NELL1: variants seen among roughly 807,000 people sequenced by gnomAD.
The protein encoded by NELL1 is protein kinase C-binding protein NELL1.
Under a neutral mutation model 107.4 loss-of-function variants are expected in NELL1, and 76 were observed. The observed-to-expected ratio is 0.71, with a 90% CI of 0.59 to 0.86. The LOEUF (loss-of-function observed/expected upper bound fraction) is 0.86, where lower values mean the gene tolerates loss of function less well. Ranked by LOEUF, NELL1 falls within the 40% of genes least tolerant of loss-of-function variation. NELL1 has a pLI of 0.00. For missense variants in NELL1, 1,024 were observed against 1,005.5 expected, an observed-to-expected ratio of 1.02 and a Z score of -0.25; for synonymous variants, 353 against 341.2, an observed-to-expected ratio of 1.03 and a Z score of -0.38.
intron 15 of NELL1, among the ~76,000 whole-genome samples, chr11:21,474,037 G>T (rs948816892): frequency 6.6e-6 from 1 of 151,990 alleles, no homozygotes; most frequent in African/African-American, 2.4e-5. Flanking sequence ...GCACAAAACT[G>T]TCTTCTGGTT....
At chr11:21,096,844 G>A (rs1854655065) in intron 12 of NELL1, among the ~76,000 whole-genome samples, 2 of 152,046 alleles carry the variant, frequency 1.3e-5, no homozygotes, top group Non-Finnish European at 1.5e-5. Context: ...CTAGGTAGCT[G>A]GGACTACAGG....
chr11:21,158,564 A>G (rs1260315575), intron 13 of NELL1, among the ~76,000 whole-genome samples: 4 of 152,208 alleles, frequency 2.6e-5, no homozygotes, highest in Non-Finnish European at 5.9e-5. Context: ...TACATTCTAT[A>G]TCTTTACCCT....
chr11:21,180,367 A>G lies in NELL1; in HGVS notation c.1427-48965A>G, dbSNP rs561874165. ...TGACTGAAATATGTTCTGATGTGGA[A>G]TTACTAATTTGTGCCTGATTCTGTT... On this transcript the variant is annotated intron_variant, in intron 13 of 19. Coordinates refer to ENST00000357134, the MANE Select transcript of NELL1 (RefSeq NM_006157.5). Among the ~76,000 whole-genome samples the G allele has an allele frequency of 1.5e-4, 23 of 151,802 alleles. No homozygotes were observed. The South Asian group carries it at 4.1e-3, about 27-fold the overall frequency.
chr11:21,574,392 A>G (rs571820982), intron 19 of NELL1, among the ~76,000 whole-genome samples: 1 of 151,898 alleles, frequency 6.6e-6, no homozygotes, highest in East Asian at 2.0e-4. Context: ...GGACACAGGG[A>G]GACCTCTGTT....
chr11:20,888,894 C>T lies in NELL1; in HGVS notation c.603+3354C>T, dbSNP rs190547676. On this transcript the variant is annotated intron_variant, in intron 5 of 19. Coordinates refer to ENST00000357134, the MANE Select transcript of NELL1 (RefSeq NM_006157.5). ...GTCTCTCATCTCCAATGGCCTAGCT[C>T]AGCTTATTTACATGTCATCCCTGGG... 2.1e-4 allele frequency among the ~76,000 whole-genome samples: 32 copies of T among 152,260 alleles called. 1 individual carries two copies. Among genetic ancestry groups the T allele is most frequent in the African/African-American group, 7.5e-4 (31 of 41,548 alleles).
chr11:21,563,316 T>C (rs1564962759), intron 17 of NELL1, among the ~76,000 whole-genome samples: 1 of 152,056 alleles, frequency 6.6e-6, no homozygotes, highest in East Asian at 1.9e-4. Context: ...TTCTAGGAAA[T>C]GTAGTATTTT....
intron 3 of NELL1, among the ~76,000 whole-genome samples, chr11:20,830,000 G>T (rs189833318): frequency 6.6e-6 from 1 of 152,076 alleles, no homozygotes; most frequent in Non-Finnish European, 1.5e-5. Flanking sequence ...TTGGCTGGGC[G>T]CAGTGGCTCA....
intron 5 of NELL1, among the ~76,000 whole-genome samples, chr11:20,895,696 C>T (rs1239842781): frequency 3.3e-5 from 5 of 151,592 alleles, no homozygotes; most frequent in African/African-American, 7.3e-5. Context: ...TTAGTAGAGA[C>T]GGGGTTTCAC....
chr11:21,247,456 T>G (rs1565129353), intron 14 of NELL1, among the ~76,000 whole-genome samples: 1 of 152,232 alleles, frequency 6.6e-6, no homozygotes, highest in South Asian at 2.1e-4. Context: ...GTTTTTTGTT[T>G]AAAATGAAGA....
intron 12 of NELL1, among the ~76,000 whole-genome samples, chr11:20,995,956 G>A (rs71488768): frequency 0.064 from 9,722 of 152,284 alleles, 335 homozygotes; most frequent in Middle Eastern, 0.15. Flanking sequence ...ACGAGATTTG[G>A]ATTAAAGGAC....
At chr11:20,812,010 G>T (rs1857511143) in intron 3 of NELL1, among the ~76,000 whole-genome samples, 1 of 152,088 alleles carries the variant, frequency 6.6e-6, no homozygotes, top group Non-Finnish European at 1.5e-5. Context: ...AGATTATCTT[G>T]TTCCAGATTG....
chr11:21,410,934 C>T (rs753534331), intron 15 of NELL1, among the ~76,000 whole-genome samples: 5 of 152,050 alleles, frequency 3.3e-5, no homozygotes, highest in African/African-American at 4.8e-5. Flanking sequence ...CCACCCCCAA[C>T]AGATGGTTCA....
At chr11:20,998,874 G>T (rs1189686287) in intron 12 of NELL1, among the ~76,000 whole-genome samples, 1 of 152,128 alleles carries the variant, frequency 6.6e-6, no homozygotes, top group Non-Finnish European at 1.5e-5. Context: ...CTTTTATGGA[G>T]CTCTTCCTTC....
intron 15 of NELL1, among the ~76,000 whole-genome samples, chr11:21,436,871 C>T (rs1394708825): frequency 2.0e-5 from 3 of 151,984 alleles, no homozygotes; most frequent in Non-Finnish European, 4.4e-5. Flanking sequence ...TTCACTGAGC[C>T]ACTAGTTGTT....
chr11:21,134,697 G>A (rs572965635), intron 13 of NELL1, among the ~76,000 whole-genome samples: 14 of 152,288 alleles, frequency 9.2e-5, no homozygotes, highest in African/African-American at 3.1e-4. Flanking sequence ...CATGGGTAGA[G>A]GAAGCCTTTT....
chr11:20,857,138 T>C (rs1848896945), intron 4 of NELL1, among the ~76,000 whole-genome samples: 1 of 152,170 alleles, frequency 6.6e-6, no homozygotes, highest in African/African-American at 2.4e-5. Context: ...AGAGGGAAGC[T>C]GTTGGCCGTA....
chr11:20,676,353 C>A (rs538843012), intron 1 of NELL1, among the ~76,000 whole-genome samples: 5 of 151,812 alleles, frequency 3.3e-5, no homozygotes, highest in Non-Finnish European at 5.9e-5. Flanking sequence ...TTTGCCCTCC[C>A]CCAACCTAAC....
At chr11:20,895,274 A>AAAAAAAAAC (rs1849706148) in intron 5 of NELL1, among the ~76,000 whole-genome samples, 1 of 59,950 alleles carries the variant, frequency 1.7e-5, no homozygotes, top group Admixed American at 1.4e-4. Flanking sequence ...TCCGTCTCAA[A>AAAAAAAAAC]AAAAAAAAAA....
chr11:21,059,356 G>A (rs185875959), intron 12 of NELL1, among the ~76,000 whole-genome samples: 257 of 151,142 alleles, frequency 1.7e-3, no homozygotes, highest in African/African-American at 5.8e-3. Context: ...TTTGCTGACC[G>A]GAACCTTGGG....
Sources: allele counts gnomAD v4.1 joint callset (sites outside exome capture counted in the v4.1 genomes callset), GRCh38; gene constraint gnomAD v4.1.1; transcripts MANE v1.5; gene names NCBI Gene and HGNC (gene_info 2026-07-23, HGNC 2026-07-21).